PARD3: variants seen among roughly 807,000 people sequenced by gnomAD.
PARD3 encodes par-3 family cell polarity regulator.
Under a neutral mutation model 155.4 loss-of-function variants are expected in PARD3, and 75 were observed. The ratio of observed to expected loss-of-function variants is 0.48; its 90% CI spans 0.40 to 0.58. The LOEUF (loss-of-function observed/expected upper bound fraction) is 0.58. PARD3 is among the 20% of genes least tolerant of loss of function. The pLI is 0.00. For synonymous variants in PARD3, 576 were observed against 610.5 expected, an observed-to-expected ratio of 0.94 and a Z score of 0.83; for missense variants, 1,642 against 1,721.7, an observed-to-expected ratio of 0.95 and a Z score of 0.82.
At chr10:34,174,149 T>C (rs1949929629) in intron 22 of PARD3, among the ~76,000 whole-genome samples, 1 of 152,208 alleles carries the variant, frequency 6.6e-6, no homozygotes, top group African/African-American at 2.4e-5. Context: ...TACTTCAGCA[T>C]ACACGTGGCC....
intron 22 of PARD3, among the ~76,000 whole-genome samples, chr10:34,177,413 A>G (rs1338649851): frequency 5.9e-5 from 9 of 152,168 alleles, no homozygotes; most frequent in Admixed American, 5.9e-4. Context: ...ATGGAATAAG[A>G]TAAAAGATTA....
At chr10:34,318,673 G>A (rs1958169480) in intron 19 of PARD3, among the ~76,000 whole-genome samples, 1 of 152,138 alleles carries the variant, frequency 6.6e-6, no homozygotes, top group African/African-American at 2.4e-5. Context: ...CTATCAAATG[G>A]TGGTATAGCT....
At chr10:34,494,194 T>C (rs992755925) in intron 3 of PARD3, among the ~76,000 whole-genome samples, 3 of 152,190 alleles carry the variant, frequency 2.0e-5, no homozygotes, top group Admixed American at 6.5e-5. Context: ...AAGAAACTGT[T>C]ACTTGACCAG....
chr10:34,296,220 TA>T (rs1956903943), intron 20 of PARD3, among the ~76,000 whole-genome samples: 1 of 152,224 alleles, frequency 6.6e-6, no homozygotes, highest in African/African-American at 2.4e-5. Flanking sequence ...GCCCAACTAT[TA>T]GCCTTTGCAC....
intron 2 of PARD3, among the ~76,000 whole-genome samples, chr10:34,654,430 C>T (rs1030960549): frequency 1.3e-5 from 2 of 152,212 alleles, no homozygotes; most frequent in African/African-American, 4.8e-5. Context: ...ACTTCGAACT[C>T]AAGCCAACAG....
chr10:34,242,403 C>T (rs531561878), intron 22 of PARD3, among the ~76,000 whole-genome samples: 8 of 152,092 alleles, frequency 5.3e-5, no homozygotes, highest in East Asian at 1.9e-4. Context: ...AGAGGACATC[C>T]GTAAAAGGAA....
At chr10:34,265,738 C>G (rs1173640031) in intron 22 of PARD3, among the ~76,000 whole-genome samples, 2 of 152,138 alleles carry the variant, frequency 1.3e-5, no homozygotes, top group Non-Finnish European at 2.9e-5. Flanking sequence ...ATTTCACTGT[C>G]TGAATTTGGG....
chr10:34,396,563 T>G (rs1182400670), intron 7 of PARD3, among the ~76,000 whole-genome samples: 4 of 152,184 alleles, frequency 2.6e-5, no homozygotes, highest in Admixed American at 1.3e-4. Flanking sequence ...CGTTAGATGC[T>G]CTGACTTTGA....
At chr10:34,655,639 A>G (rs2093146092) in intron 2 of PARD3, among the ~76,000 whole-genome samples, 1 of 152,194 alleles carries the variant, frequency 6.6e-6, no homozygotes. Context: ...AGGAGAGTAA[A>G]TAAGGGGATG....
intron 3 of PARD3, among the ~76,000 whole-genome samples, chr10:34,482,887 G>A (rs142384598): frequency 4.1e-4 from 63 of 151,996 alleles, no homozygotes; most frequent in East Asian, 2.1e-3. Context: ...AGTGGCTCAC[G>A]CCTGTAATCC....
chr10:34,483,506 G>GAAA lies in PARD3; in HGVS notation c.404-13246_404-13244dup, dbSNP rs11459278. Among the ~76,000 whole-genome samples the GAAA allele has an allele frequency of 1.2e-3, 164 of 142,322 alleles. 3 individuals carry two copies. Among genetic ancestry groups the GAAA allele is most frequent in the South Asian group, 6.9e-3 (31 of 4,470 alleles). 93.4% of individuals were successfully genotyped at this position (142,322 alleles called of 152,430 possible). ...CCAAAAAAAAAAAAAAAAAGAGAGA[G>GAAA]AAAAAAAAACAGAAAAAAGGGGGGA... is the stretch of plus-strand genomic sequence containing the variant. On this transcript the variant is annotated intron_variant, in intron 3 of 24. Transcript: ENST00000374788.
At chr10:34,429,547 T>C (rs1744966603) in intron 5 of PARD3, among the ~76,000 whole-genome samples, 1 of 146,896 alleles carries the variant, frequency 6.8e-6, no homozygotes, top group African/African-American at 2.5e-5. Flanking sequence ...AGCCCCACTC[T>C]AACTCAGTTT....
Position 34,111,182 on chromosome 10 carries a change from G to A in PARD3, c.4049C>T (p.Pro1350Leu). 2 of 1,554,216 alleles carry A rather than the reference G, an allele frequency of 1.3e-6. No homozygotes were observed. The highest frequency in any genetic ancestry group is 1.7e-6 in the Non-Finnish European group (2 of 1,147,812). Residue 1350 changes from proline to leucine, a missense_variant, in exon 25 of 25, where the codon CCC becomes CTC. Coordinates refer to ENST00000374788, the MANE Select transcript of PARD3 (RefSeq NM_001184785.2). ...NRLQTPEKGRPFYS is the reference protein window; with the variant it reads ...NRLQTPEKGRLFYS ...TTATTTGCGTGCTCAGGAATAGAAG[G>A]GCCTCCCTTTCTCAGGAGTCTGAAG...
chr10:34,213,096 T>C (rs1252379380), intron 22 of PARD3, among the ~76,000 whole-genome samples: 2 of 152,304 alleles, frequency 1.3e-5, no homozygotes, highest in South Asian at 4.1e-4. Flanking sequence ...GACCATGTAA[T>C]TTACAAAGAA....
chr10:34,537,529 C>A (rs2083306999), intron 2 of PARD3, among the ~76,000 whole-genome samples: 1 of 152,136 alleles, frequency 6.6e-6, no homozygotes, highest in South Asian at 2.1e-4. Flanking sequence ...CCAACCCAGA[C>A]CTTGACTACA....
rs1420819079 is a variant in PARD3, at chr10:34,452,645, C to T, written c.583-2197G>A. ...CTCTTCCCGTAAATGGTCTTGTTGG[C>T]GCTATGGACTGCTGATTATTATCTC... On this transcript the variant is annotated intron_variant, in intron 4 of 24. Transcript: ENST00000374788. Among the ~76,000 whole-genome samples, 6 of 152,118 alleles carry T rather than the reference C, an allele frequency of 3.9e-5. 1 individual carries two copies. The highest frequency in any genetic ancestry group is 2.6e-4 in the Admixed American group (4 of 15,274).
chr10:34,361,845 A>G (rs1296119253), intron 12 of PARD3, among the ~76,000 whole-genome samples: 3 of 152,170 alleles, frequency 2.0e-5, no homozygotes, highest in Middle Eastern at 3.2e-3. Flanking sequence ...AAAAAAAATT[A>G]AAACTTATAT....
rs138881962 is a variant in PARD3, at chr10:34,521,750, T to C, written c.223-4591A>G. Among the ~76,000 whole-genome samples, 245 of 152,274 alleles carry C rather than the reference T, an allele frequency of 1.6e-3. 3 individuals carry two copies. The highest frequency in any genetic ancestry group is 6.8e-3 in the Middle Eastern group (2 of 294). On this transcript the variant is annotated intron_variant, in intron 2 of 24. Coordinates refer to ENST00000374788, the MANE Select transcript of PARD3 (RefSeq NM_001184785.2). ...GAACCCCCCAACAGAAAACCTCTTA[T>C]AGAAACATCACACAGAAATGCTTAT...
At chr10:34,631,213 A>C (rs2092253999) in intron 2 of PARD3, among the ~76,000 whole-genome samples, 1 of 152,116 alleles carries the variant, frequency 6.6e-6, no homozygotes, top group Admixed American at 6.6e-5. Context: ...TTCGGGGTGT[A>C]CCCACTCAGC....
Sources: gnomAD v4.1 joint callset for allele counts (sites outside exome capture counted in the v4.1 genomes callset) on GRCh38, gnomAD v4.1.1 for gene constraint, MANE v1.5 for transcripts, NCBI Gene and HGNC (gene_info 2026-07-23, HGNC 2026-07-21) for gene names.